HDAC9: variants seen among roughly 807,000 people sequenced by gnomAD.
HDAC9 encodes the protein histone deacetylase 9.
HDAC9 carries 41 observed loss-of-function variants against 139.4 expected under a neutral mutation model. The observed-to-expected ratio is 0.29, with a 90% CI of 0.23 to 0.38. The LOEUF (loss-of-function observed/expected upper bound fraction) is 0.38, where lower values mean the gene tolerates loss of function less well. Among genes scored for constraint, HDAC9 ranks in the 10% least tolerant of loss-of-function variants. The pLI is 1.00. For missense variants in HDAC9, 1,147 were observed against 1,297.0 expected (o/e 0.88, Z 1.78); for synonymous variants, 517 against 476.2 (o/e 1.09, Z -1.12).
chr7:18,858,404 C>T (rs1035532731), intron 21 of HDAC9, among the ~76,000 whole-genome samples: 1 of 152,090 alleles, frequency 6.6e-6, no homozygotes, highest in Admixed American at 6.6e-5. Context: ...GAGTGCCCAG[C>T]AAAGGGGGAA....
intron 2 of HDAC9, among the ~76,000 whole-genome samples, chr7:18,251,133 A>T (rs1794893224): frequency 6.6e-6 from 1 of 152,242 alleles, no homozygotes; most frequent in Admixed American, 6.5e-5. Context: ...TAGATTGGAT[A>T]GAGAAATTAT....
rs1013352750 is a variant in HDAC9 at position 18,321,874 on chromosome 7, A to G, written c.-42+31359A>G. Among the ~76,000 whole-genome samples the G allele has an allele frequency of 2.6e-5, 4 of 152,178 alleles. No homozygotes were observed. In the South Asian group the frequency reaches 6.2e-4, roughly 24 times the overall value. Reference sequence around the variant, plus strand: ...GCTTTGAATATTTCATTTAGAATTTATATAAAAAGTAGGGCAGAAATCGAA... The same window carrying G: ...GCTTTGAATATTTCATTTAGAATTTGTATAAAAAGTAGGGCAGAAATCGAA... On this transcript the variant is annotated intron_variant, in intron 1 of 3. Transcript: ENST00000413509.
intron 2 of HDAC9, among the ~76,000 whole-genome samples, chr7:18,534,028 C>G (rs1220689048): frequency 1.3e-5 from 2 of 152,138 alleles, no homozygotes; most frequent in Non-Finnish European, 2.9e-5. Context: ...TAGTTAACCA[C>G]ATTTTAATTT....
chr7:18,303,099 T>A (rs987179585), intron 1 of HDAC9, among the ~76,000 whole-genome samples: 8 of 152,110 alleles, frequency 5.3e-5, no homozygotes, highest in African/African-American at 1.7e-4. Flanking sequence ...ATAGAAAGGG[T>A]AGAACACCAG....
At chr7:18,210,303 A>C (rs907576012) in intron 2 of HDAC9, among the ~76,000 whole-genome samples, 1 of 152,222 alleles carries the variant, frequency 6.6e-6, no homozygotes, top group African/African-American at 2.4e-5. Context: ...GTTAATTTTC[A>C]AAAATTAAAA....
intron 2 of HDAC9, among the ~76,000 whole-genome samples, chr7:18,267,663 T>C (rs375821264): frequency 6.6e-6 from 1 of 152,192 alleles, no homozygotes. Context: ...TCCGTGTATA[T>C]GTATACATCA....
chr7:18,318,502 A>C (rs1055370720), intron 1 of HDAC9, among the ~76,000 whole-genome samples: 2 of 152,294 alleles, frequency 1.3e-5, no homozygotes, highest in Non-Finnish European at 1.5e-5. Flanking sequence ...GATGGTGAAA[A>C]TATTTAGAAC....
chr7:18,541,166 T>TTTTTTTTTC (rs397760512), intron 2 of HDAC9, among the ~76,000 whole-genome samples: 2 of 147,372 alleles, frequency 1.4e-5, no homozygotes, highest in African/African-American at 5.1e-5. Flanking sequence ...TTTTTTTTTT[T>TTTTTTTTTC]CTGATTGAAA....
At chr7:18,132,745 G>A (rs1785099064) in intron 1 of HDAC9, among the ~76,000 whole-genome samples, 1 of 152,090 alleles carries the variant, frequency 6.6e-6, no homozygotes, top group African/African-American at 2.4e-5. Context: ...GGACCTGTGA[G>A]GCCTTAGTTT....
At chr7:18,248,334 G>A (rs1203785464) in intron 2 of HDAC9, among the ~76,000 whole-genome samples, 6 of 152,128 alleles carry the variant, frequency 3.9e-5, no homozygotes, top group Non-Finnish European at 8.8e-5. Flanking sequence ...GCAAACACCT[G>A]AACAACCATC....
At chr7:18,251,049 A>G (rs1253731156) in intron 2 of HDAC9, among the ~76,000 whole-genome samples, 1 of 152,222 alleles carries the variant, frequency 6.6e-6, no homozygotes, top group Admixed American at 6.5e-5. Context: ...ATAAAAATAC[A>G]TGCACATGTA....
At chr7:18,630,084 G>T (rs1781876596) in intron 7 of HDAC9, among the ~76,000 whole-genome samples, 1 of 151,954 alleles carries the variant, frequency 6.6e-6, no homozygotes, top group Non-Finnish European at 1.5e-5. Context: ...TTTAGTAGAG[G>T]GGTTAGGAAA....
At chr7:18,798,802 GA>G (rs1431927698) in intron 17 of HDAC9, among the ~76,000 whole-genome samples, 8 of 152,214 alleles carry the variant, frequency 5.3e-5, no homozygotes, top group African/African-American at 1.9e-4. Flanking sequence ...AAGCATCAAA[GA>G]AAACCTGAGG....
intron 25 of HDAC9, among the ~76,000 whole-genome samples, chr7:18,980,448 G>A (rs1784830325): frequency 6.6e-6 from 1 of 152,020 alleles, no homozygotes; most frequent in Non-Finnish European, 1.5e-5. Flanking sequence ...TTTGCTCAAG[G>A]GCAAGTTACT....
intron 6 of HDAC9, among the ~76,000 whole-genome samples, chr7:18,601,983 G>C (rs551895594): frequency 6.6e-6 from 1 of 152,264 alleles, no homozygotes; most frequent in Admixed American, 6.5e-5. Flanking sequence ...TGTCCTCATA[G>C]AAAGAGTTAG....
intron 25 of HDAC9, among the ~76,000 whole-genome samples, chr7:18,988,792 G>T (rs1785604998): frequency 6.6e-6 from 1 of 151,796 alleles, no homozygotes; most frequent in Non-Finnish European, 1.5e-5. Flanking sequence ...TCTTCTTGTT[G>T]AATTGACCCC....
At chr7:18,551,798 G>T (rs1817226378) in intron 2 of HDAC9, among the ~76,000 whole-genome samples, 1 of 152,170 alleles carries the variant, frequency 6.6e-6, no homozygotes, top group South Asian at 2.1e-4. Flanking sequence ...TTAAGAACTA[G>T]ATTTGGTGTT....
At chr7:18,530,243 A>T (rs561548011) in intron 2 of HDAC9, among the ~76,000 whole-genome samples, 1 of 152,198 alleles carries the variant, frequency 6.6e-6, no homozygotes, top group African/African-American at 2.4e-5. Context: ...TGCCTGGGCA[A>T]CAGAGTGAGA....
intron 13 of HDAC9, among the ~76,000 whole-genome samples, chr7:18,739,446 G>A (rs910973421): frequency 1.3e-5 from 2 of 152,148 alleles, no homozygotes; most frequent in African/African-American, 4.8e-5. Context: ...ATGGGGTTTT[G>A]GTGTAGATGT....
Sources: gnomAD v4.1 joint callset for allele counts (sites outside exome capture counted in the v4.1 genomes callset) on GRCh38, gnomAD v4.1.1 for gene constraint, MANE v1.5 for transcripts, NCBI Gene and HGNC (gene_info 2026-07-23, HGNC 2026-07-21) for gene names.